The following CYB5A variants were observed in gnomAD, a reference collection of about 807,000 sequenced individuals.
CYB5A encodes the protein cytochrome b5 type A.
CYB5A carries 10 observed loss-of-function variants against 16.2 expected under a neutral mutation model. The observed-to-expected ratio is 0.62, with a 90% CI of 0.38 to 1.04. CYB5A has a LOEUF of 1.04. CYB5A is among the 50% of genes least tolerant of loss of function. CYB5A has a pLI of 0.01. For synonymous variants in CYB5A, 62 were observed against 57.0 expected, an observed-to-expected ratio of 1.09 and a Z score of -0.40; for missense variants, 161 against 165.9, an observed-to-expected ratio of 0.97 and a Z score of 0.16.
At chr18:74,287,781 G>C (rs1215335437) in intron 1 of CYB5A, among the ~76,000 whole-genome samples, 1 of 152,152 alleles carries the variant, frequency 6.6e-6, no homozygotes, top group East Asian at 1.9e-4. Flanking sequence ...ACAGCTAATG[G>C]AAGTGTTGTT....
chr18:74,284,181 G>A (rs1314486764), intron 1 of CYB5A, among the ~76,000 whole-genome samples: 2 of 143,758 alleles, frequency 1.4e-5, no homozygotes, highest in South Asian at 2.2e-4. Flanking sequence ...GCAGTGAGCC[G>A]AGATTGCACC....
chr18:74,291,824 G>A lies in CYB5A; in HGVS notation c.52C>T (p.Gln18Ter). The change falls in exon 1 of 5, where the codon CAG becomes TAG. Residue 18 changes from glutamine to a stop codon, truncating the protein, a stop_gained. Transcript: ENST00000340533. LOFTEE classifies it high-confidence loss of function. ...GTGCTCTTGCTGTGGTTGTGCTTCT[G>A]AATCTCCTCTAGGGTGTAGTACTTC... ...AVKYYTLEEI[Q>*]KHNHSKSTWL... 6.2e-7 allele frequency: 1 copy of A among 1,613,874 alleles called. No homozygotes were observed.
chr18:74,264,220 A>T (rs1982337215), intron 1 of CYB5A, among the ~76,000 whole-genome samples: 1 of 94,034 alleles, frequency 1.1e-5, no homozygotes, highest in Non-Finnish European at 2.9e-5. Flanking sequence ...CAAAAAAAAA[A>T]AAAAAAGAGA....
intron 1 of CYB5A, among the ~76,000 whole-genome samples, chr18:74,290,173 G>A (rs897952352): frequency 3.9e-5 from 6 of 152,092 alleles, no homozygotes; most frequent in African/African-American, 1.4e-4. Context: ...ATGGTAACAT[G>A]ACTTTATCTT....
intron 1 of CYB5A, among the ~76,000 whole-genome samples, chr18:74,266,078 T>G (rs577029245): frequency 6.6e-6 from 1 of 152,312 alleles, no homozygotes; most frequent in East Asian, 1.9e-4. Context: ...GCCATTTAGA[T>G]TATTAAAAGT....
intron 1 of CYB5A, among the ~76,000 whole-genome samples, chr18:74,288,777 G>T (rs911072531): frequency 6.6e-6 from 1 of 152,162 alleles, no homozygotes; most frequent in Non-Finnish European, 1.5e-5. Flanking sequence ...GGCTCCCAGA[G>T]GCTTTGCCGG....
intron 1 of CYB5A, among the ~76,000 whole-genome samples, chr18:74,265,210 CTTTT>C (rs201545430): frequency 3.3e-5 from 5 of 151,628 alleles, no homozygotes; most frequent in African/African-American, 1.2e-4. Flanking sequence ...GACATCCACT[CTTTT>C]TTTTTCTTTT....
At chr18:74,278,946 A>G (rs1982984013) in intron 1 of CYB5A, among the ~76,000 whole-genome samples, 1 of 152,122 alleles carries the variant, frequency 6.6e-6, no homozygotes, top group Admixed American at 6.6e-5. Flanking sequence ...TCTTCCTCTA[A>G]TCTCTGAAGA....
At chr18:74,274,852 A>T (rs940065411) in intron 1 of CYB5A, among the ~76,000 whole-genome samples, 2 of 152,204 alleles carry the variant, frequency 1.3e-5, no homozygotes, top group African/African-American at 4.8e-5. Flanking sequence ...ATAAAATCTC[A>T]AAGTCAAAGG....
Position 74,263,537 on chromosome 18 carries a change from C to T in CYB5A, c.130-60G>A, listed in dbSNP as rs571965078. 7.8e-5 allele frequency: 116 copies of T among 1,490,498 alleles called. 1 individual carries two copies. In the African/African-American group the frequency reaches 8.8e-4, roughly 11 times the overall value. The allele number at this position is 1,490,498 out of a possible 1,614,324, so 92.3% of individuals were successfully genotyped here. A position where few individuals can be genotyped will look rare whatever the true frequency, so the allele number is the denominator to read the frequency against. On this transcript the variant is annotated intron_variant, in intron 1 of 4. Transcript: ENST00000340533. Reference sequence around the variant, plus strand: ...TTCAGGCAAATGAATTAAGAGAAAACGGCCAGAATTTATTTAACCAAACAG... The same window carrying T: ...TTCAGGCAAATGAATTAAGAGAAAATGGCCAGAATTTATTTAACCAAACAG...
chr18:74,259,970 T>C (rs1788623), intron 3 of CYB5A: 12,469 of 152,186 alleles, frequency 0.082, 1,247 homozygotes, highest in African/African-American at 0.23. Context: ...TTGTACTAAA[T>C]AGTATTACAC....
chr18:74,284,914 T>G (rs1599268001), intron 1 of CYB5A, among the ~76,000 whole-genome samples: 1 of 152,182 alleles, frequency 6.6e-6, no homozygotes, highest in East Asian at 1.9e-4. Flanking sequence ...CAGGCCAGAT[T>G]CTATTCAACA....
At chr18:74,259,205 A>G (rs1471111428) in intron 3 of CYB5A, 1 of 152,218 alleles carries the variant, frequency 6.6e-6, no homozygotes. Context: ...CTTCAGTGAG[A>G]CCTTCTACAT....
intron 1 of CYB5A, among the ~76,000 whole-genome samples, chr18:74,264,210 CAA>C (rs59600245): frequency 4.7e-4 from 68 of 144,030 alleles, no homozygotes; most frequent in East Asian, 2.9e-3. Flanking sequence ...GACTCTGTCT[CAA>C]AAAAAAAAAA....
chr18:74,253,996 T>C (rs1376604989), intron 4 of CYB5A, among the ~76,000 whole-genome samples: 1 of 152,084 alleles, frequency 6.6e-6, no homozygotes, highest in Non-Finnish European at 1.5e-5. Flanking sequence ...CTGGCCAACA[T>C]AGTAAAAACC....
rs777008023 is a variant in CYB5A, at chr18:74,291,808, C to T, written c.68G>A (p.Ser23Asn). ...TLEEIQKHNHSKSTWLILHHK... is the reference protein window; with the variant it reads ...TLEEIQKHNHNKSTWLILHHK... ...GTGCAGGATCAGCCAGGTGCTCTTGCTGTGGTTGTGCTTCTGAATCTCCTC... is the reference window on the plus strand; with the variant it reads ...GTGCAGGATCAGCCAGGTGCTCTTGTTGTGGTTGTGCTTCTGAATCTCCTC... The change falls in exon 1 of 5, where the codon AGC (serine) becomes AAC (asparagine). Residue 23 changes from serine to asparagine, a missense_variant. Coordinates refer to ENST00000340533, the MANE Select transcript of CYB5A (RefSeq NM_148923.4). 2.2e-5 allele frequency: 35 copies of T among 1,613,794 alleles called. No homozygotes were observed. In the Admixed American group the frequency reaches 5.8e-4, roughly 27 times the overall value.
chr18:74,286,816 C>T (rs1983338359), intron 1 of CYB5A, among the ~76,000 whole-genome samples: 1 of 152,192 alleles, frequency 6.6e-6, no homozygotes. Context: ...GTTATTTATT[C>T]CTTGATTGAC....
chr18:74,254,522 T>C (rs1482518783), intron 4 of CYB5A, among the ~76,000 whole-genome samples: 1 of 136,518 alleles, frequency 7.3e-6, no homozygotes, highest in African/African-American at 2.8e-5. Context: ...TCTATTTGAA[T>C]CTTTTTTTTT....
chr18:74,263,116 C>T (rs1982275918), intron 2 of CYB5A, among the ~76,000 whole-genome samples: 1 of 149,492 alleles, frequency 6.7e-6, no homozygotes, highest in Non-Finnish European at 1.5e-5. Flanking sequence ...CCACTGCACT[C>T]CAGCCTGGGT....
Sources: allele counts gnomAD v4.1 joint callset (sites outside exome capture counted in the v4.1 genomes callset), GRCh38; gene constraint gnomAD v4.1.1; transcripts MANE v1.5; gene names NCBI Gene and HGNC (gene_info 2026-07-23, HGNC 2026-07-21).